GNG2: variants seen among roughly 807,000 people sequenced by gnomAD.
The protein encoded by GNG2 is G protein subunit gamma 2.
GNG2 carries 5 observed loss-of-function variants against 5.5 expected under a neutral mutation model. That is an observed-to-expected ratio of 0.91 (90% CI 0.48 to 1.92). The LOEUF is 1.92. GNG2 is among the 30% of genes most tolerant of loss of function. The pLI is 0.01. For synonymous variants in GNG2, 28 were observed against 32.0 expected (o/e 0.88, Z 0.42); for missense variants, 55 against 88.4 (o/e 0.62, Z 1.52).
At chr14:51,863,882 T>G (rs541122451) in intron 1 of GNG2, among the ~76,000 whole-genome samples, 1 of 152,224 alleles carries the variant, frequency 6.6e-6, no homozygotes, top group Non-Finnish European at 1.5e-5. Context: ...CTGAATAATA[T>G]TCCATTGAAT....
chr14:51,955,563 G>A (rs1015460891), intron 3 of GNG2, among the ~76,000 whole-genome samples: 3 of 152,128 alleles, frequency 2.0e-5, no homozygotes, highest in South Asian at 2.1e-4. Flanking sequence ...TTAAATTTGT[G>A]TATTAAGAGT....
chr14:51,925,625 T>G (rs1228524706), intron 2 of GNG2, among the ~76,000 whole-genome samples: 1 of 152,154 alleles, frequency 6.6e-6, no homozygotes, highest in Non-Finnish European at 1.5e-5. Context: ...TTTATATTAT[T>G]TTTTGAGACA....
rs147709689 is a variant in GNG2 at position 51,923,711 on chromosome 14, A to G, written c.-29-26939A>G. Among the ~76,000 whole-genome samples the G allele has an allele frequency of 3.6e-3, 546 of 152,346 alleles. 1 individual carries two copies. Among genetic ancestry groups the G allele is most frequent in the Admixed American group, 8.6e-3 (131 of 15,306 alleles). On this transcript the variant is annotated intron_variant, in intron 2 of 3. Coordinates refer to ENST00000556766, the MANE Select transcript of GNG2 (RefSeq NM_053064.5). ...AACCATGTGCCAAGATTAATATGGTAAAAGTTTCACTTTATTTTATTTAAA... is the reference window on the plus strand; with the variant it reads ...AACCATGTGCCAAGATTAATATGGTGAAAGTTTCACTTTATTTTATTTAAA...
chr14:51,857,482 A>G (rs1191316080), upstream of GNG2, among the ~76,000 whole-genome samples: 1 of 152,164 alleles, frequency 6.6e-6, no homozygotes, highest in Non-Finnish European at 1.5e-5. Context: ...CCTGTAAGCA[A>G]CCTGGAGGGG....
intron 2 of GNG2, chr14:51,916,226 C>T: frequency 3.7e-6 from 1 of 267,216 alleles, no homozygotes; most frequent in Non-Finnish European, 7.3e-6. Flanking sequence ...AGTGTCTAAC[C>T]AGAGGCTAAT....
chr14:51,871,310 G>T (rs1883278012), intron 1 of GNG2, among the ~76,000 whole-genome samples: 1 of 132,286 alleles, frequency 7.6e-6, no homozygotes. Context: ...AAAAATTTAA[G>T]TAGAGGTGAA....
chr14:51,827,409 G>A (rs1488548633), intron 1 of GNG2, among the ~76,000 whole-genome samples: 11 of 152,144 alleles, frequency 7.2e-5, no homozygotes, highest in Non-Finnish European at 1.3e-4. Context: ...CAGGGATTCC[G>A]CAATCTGCCT....
chr14:51,891,945 G>T (rs1884884059), intron 2 of GNG2, among the ~76,000 whole-genome samples: 1 of 152,090 alleles, frequency 6.6e-6, no homozygotes, highest in African/African-American at 2.4e-5. Flanking sequence ...GTATACTTTG[G>T]AGTTCAGTTG....
intron 2 of GNG2, among the ~76,000 whole-genome samples, chr14:51,837,646 CAA>C (rs35065027): frequency 6.2e-4 from 76 of 123,104 alleles, no homozygotes; most frequent in African/African-American, 5.6e-4. Context: ...GACTCCGTTT[CAA>C]AAAAAAAAAA....
intron 3 of GNG2, among the ~76,000 whole-genome samples, chr14:51,965,161 A>T (rs1260723559): frequency 6.6e-6 from 1 of 152,196 alleles, no homozygotes; most frequent in Non-Finnish European, 1.5e-5. Flanking sequence ...GGCAAGTCTG[A>T]TGTCATCATG....
At chr14:51,841,780 T>C (rs12890635) in intron 2 of GNG2, among the ~76,000 whole-genome samples, 40,466 of 152,178 alleles carry the variant, frequency 0.27, 6,474 homozygotes, top group Non-Finnish European at 0.37. Flanking sequence ...GAAATGCTTT[T>C]CTTTGGGGCC....
chr14:51,906,957 G>T (rs1320423427), intron 2 of GNG2, among the ~76,000 whole-genome samples: 1 of 151,918 alleles, frequency 6.6e-6, no homozygotes, highest in Admixed American at 6.6e-5. Context: ...GGGTTTCACC[G>T]TGTTAGCCAG....
intron 2 of GNG2, among the ~76,000 whole-genome samples, chr14:51,884,434 G>A (rs527930362): frequency 9.1e-4 from 139 of 152,280 alleles, no homozygotes; most frequent in African/African-American, 3.2e-3. Context: ...ACCCTGCAAC[G>A]CAGGAACTGT....
chr14:51,939,933 A>C (rs1232810575), intron 2 of GNG2: 1 of 152,252 alleles, frequency 6.6e-6, no homozygotes, highest in African/African-American at 2.4e-5. Flanking sequence ...CTTCTGACGA[A>C]TGTGCTGACC....
chr14:51,872,202 C>G (rs375838028), intron 1 of GNG2, among the ~76,000 whole-genome samples: 4 of 152,160 alleles, frequency 2.6e-5, no homozygotes, highest in African/African-American at 9.6e-5. Context: ...TATAACCTAG[C>G]CTATATGGAT....
intron 2 of GNG2, among the ~76,000 whole-genome samples, chr14:51,851,431 C>T (rs1336514388): frequency 1.3e-5 from 2 of 152,190 alleles, no homozygotes; most frequent in Non-Finnish European, 2.9e-5. Context: ...ATACTAACCT[C>T]ATCATTTACT....
At chr14:51,965,366 C>T (rs1326020964) in intron 3 of GNG2, among the ~76,000 whole-genome samples, 1 of 152,128 alleles carries the variant, frequency 6.6e-6, no homozygotes, top group Non-Finnish European at 1.5e-5. Context: ...AAAAATTTGA[C>T]CCCAAATGGC....
chr14:51,930,446 A>C (rs934728104), intron 2 of GNG2, among the ~76,000 whole-genome samples: 1 of 152,208 alleles, frequency 6.6e-6, no homozygotes, highest in Admixed American at 6.5e-5. Context: ...AGGGTTTCTT[A>C]GTGCAAGCTC....
At chr14:51,910,205 G>A (rs1007115041) in intron 2 of GNG2, among the ~76,000 whole-genome samples, 3 of 152,124 alleles carry the variant, frequency 2.0e-5, no homozygotes, top group African/African-American at 4.8e-5. Flanking sequence ...CCAGGAAAAC[G>A]GAGATCTGCA....
Sources: allele counts gnomAD v4.1 joint callset (sites outside exome capture counted in the v4.1 genomes callset), GRCh38; gene constraint gnomAD v4.1.1; transcripts MANE v1.5; gene names NCBI Gene and HGNC (gene_info 2026-07-23, HGNC 2026-07-21).